FAF1: variants seen among roughly 807,000 people sequenced by gnomAD.
FAF1 encodes the protein Fas associated factor 1.
Under a neutral mutation model 92.5 loss-of-function variants are expected in FAF1, and 25 were observed. The observed-to-expected ratio is 0.27, with a 90% confidence interval of 0.20 to 0.38. The LOEUF is 0.38. FAF1 is among the 10% of genes least tolerant of loss of function. The pLI, the probability that FAF1 is intolerant of heterozygous loss-of-function variation, is 1.00. For missense variants in FAF1, 636 were observed against 793.3 expected (o/e 0.80, Z 2.38); for synonymous variants, 234 against 273.2 (o/e 0.86, Z 1.42).
chr1:50,568,341 G>C (rs1347236538), intron 12 of FAF1, among the ~76,000 whole-genome samples: 1 of 152,064 alleles, frequency 6.6e-6, no homozygotes, highest in African/African-American at 2.4e-5. Flanking sequence ...TTTGCTGTGT[G>C]GGATTCTGAA....
chr1:50,491,708 T>C lies in FAF1; in HGVS notation c.1575+13A>G. 4 of 1,594,374 alleles carry C rather than the reference T, an allele frequency of 2.5e-6. No homozygotes were observed. The highest frequency in any genetic ancestry group is 3.4e-6 in the Non-Finnish European group (4 of 1,168,850). ...TTGAGTTCTTTATCCCAGAAGTACT[T>C]GACCAAGCCTACCTTTGCTCTGTCA... On this transcript the variant is annotated intron_variant, in intron 16 of 18. Coordinates refer to ENST00000396153, the MANE Select transcript of FAF1 (RefSeq NM_007051.3).
Position 50,583,539 on chromosome 1 carries a change from C to T in FAF1, c.1031+113G>A, listed in dbSNP as rs879808166. On this transcript the variant is annotated intron_variant, in intron 11 of 18. Coordinates refer to ENST00000396153, the MANE Select transcript of FAF1 (RefSeq NM_007051.3). The surrounding 1 kb of genome is among the most constrained non-coding windows in gnomAD (Gnocchi z 4.2). ...GGACTATATAAATTAACAAGTATATCCTTTGAATACTTTAAGGAGAAACTT... is the reference window on the plus strand; with the variant it reads ...GGACTATATAAATTAACAAGTATATTCTTTGAATACTTTAAGGAGAAACTT... 7.9e-5 allele frequency: 46 copies of T among 582,428 alleles called. No individual in the cohort carries two copies. The highest frequency in any genetic ancestry group is 1.3e-4 in the Non-Finnish European group (44 of 345,130). The allele number at this position is 582,428 out of a possible 1,614,324, so 36.1% of individuals were successfully genotyped here.
At chr1:50,754,888 C>A (rs1335599206) in intron 4 of FAF1, among the ~76,000 whole-genome samples, 2 of 151,598 alleles carry the variant, frequency 1.3e-5, no homozygotes, top group Non-Finnish European at 2.9e-5. Flanking sequence ...CCTTACAAAA[C>A]CATCAGATCT....
At chr1:50,585,135 G>A (rs1312384097) in intron 9 of FAF1, among the ~76,000 whole-genome samples, 1 of 152,166 alleles carries the variant, frequency 6.6e-6, no homozygotes, top group Non-Finnish European at 1.5e-5. Flanking sequence ...TACAACTGGA[G>A]AAGTCAGAGA....
intron 2 of FAF1, among the ~76,000 whole-genome samples, chr1:50,830,930 T>C (rs1461921953): frequency 6.6e-6 from 1 of 152,126 alleles, no homozygotes; most frequent in Non-Finnish European, 1.5e-5. Flanking sequence ...AACATTTTTG[T>C]AAAAGAGTAT....
At chr1:50,738,088 A>C (rs1659213376) in intron 6 of FAF1, among the ~76,000 whole-genome samples, 1 of 152,216 alleles carries the variant, frequency 6.6e-6, no homozygotes, top group African/African-American at 2.4e-5. Context: ...AAATGTATTG[A>C]GTTCCACTGT....
chr1:50,724,140 G>A (rs1240360865), intron 6 of FAF1, among the ~76,000 whole-genome samples: 1 of 151,518 alleles, frequency 6.6e-6, no homozygotes. Context: ...GGCTAAGGCA[G>A]GAGGACGACT....
rs1660285443 is a variant in FAF1, at chr1:50,760,595, C to T, written c.368-15820G>A. On this transcript the variant is annotated intron_variant, in intron 4 of 18. Transcript: ENST00000396153. ...CCTGCTCCTGAATGACTACTGGGTACCTAACGAAATGAAGGCAGAAATAAA... is the reference window on the plus strand; with the variant it reads ...CCTGCTCCTGAATGACTACTGGGTATCTAACGAAATGAAGGCAGAAATAAA... Among the ~76,000 whole-genome samples, 3 of 152,114 alleles carry T rather than the reference C, an allele frequency of 2.0e-5. No homozygotes were observed. In the South Asian group the frequency reaches 6.2e-4, roughly 32 times the overall value.
chr1:50,451,047 A>G (rs546552618), intron 18 of FAF1, among the ~76,000 whole-genome samples: 1 of 152,322 alleles, frequency 6.6e-6, no homozygotes, highest in South Asian at 2.1e-4. Context: ...TCCAGGAAAC[A>G]GTGACAGATG....
At chr1:50,450,516 T>C (rs1646282585) in intron 18 of FAF1, among the ~76,000 whole-genome samples, 1 of 152,230 alleles carries the variant, frequency 6.6e-6, no homozygotes, top group Admixed American at 6.5e-5. Context: ...GGCTTTCTGT[T>C]GGGCATAAAA....
At chr1:50,494,040 GCT>G (rs1646871439) in intron 15 of FAF1, among the ~76,000 whole-genome samples, 1 of 152,204 alleles carries the variant, frequency 6.6e-6, no homozygotes, top group Non-Finnish European at 1.5e-5. Flanking sequence ...CTTACTCACA[GCT>G]CTCTCTGACC....
At chr1:50,770,652 A>T (rs953820945) in intron 4 of FAF1, among the ~76,000 whole-genome samples, 2 of 152,268 alleles carry the variant, frequency 1.3e-5, no homozygotes, top group Non-Finnish European at 2.9e-5. Context: ...AGGAAGCATG[A>T]ATATTATGAA....
At chr1:50,770,214 A>G (rs898861619) in intron 4 of FAF1, among the ~76,000 whole-genome samples, 6 of 152,216 alleles carry the variant, frequency 3.9e-5, no homozygotes, top group African/African-American at 1.4e-4. Context: ...GCCCTCTCTC[A>G]CCACTCTATT....
chr1:50,944,066 A>G (rs1265315533), intron 1 of FAF1, among the ~76,000 whole-genome samples: 2 of 152,216 alleles, frequency 1.3e-5, no homozygotes, highest in African/African-American at 2.4e-5. Context: ...CCAGGCCATA[A>G]GCCAGGTGGC....
intron 1 of FAF1, among the ~76,000 whole-genome samples, chr1:50,920,613 T>A (rs914132487): frequency 6.6e-6 from 1 of 152,198 alleles, no homozygotes; most frequent in African/African-American, 2.4e-5. Flanking sequence ...CAATGCAAGG[T>A]TGGTTTAACA....
At chr1:50,612,115 C>T (rs1323563785) in intron 8 of FAF1, among the ~76,000 whole-genome samples, 2 of 152,088 alleles carry the variant, frequency 1.3e-5, no homozygotes, top group Admixed American at 1.3e-4. Flanking sequence ...AGGAAAAGTG[C>T]ATTATTAGAA....
rs1028391661 is a variant in FAF1 at position 50,924,478 on chromosome 1, C to A, written c.45+35289G>T. On this transcript the variant is annotated intron_variant, in intron 1 of 18. Coordinates refer to ENST00000396153, the MANE Select transcript of FAF1 (RefSeq NM_007051.3). ...GAAGAATTAATATTGTTAAAATGAC[C>A]ATACTACCCAAAGCAATCTACAGGT... Among the ~76,000 whole-genome samples the A allele has an allele frequency of 6.6e-5, 10 of 152,178 alleles. No homozygotes were observed. The East Asian group carries it at 1.9e-3, about 29-fold the overall frequency.
At chr1:50,630,558 T>C (rs1653723792) in intron 8 of FAF1, among the ~76,000 whole-genome samples, 1 of 152,172 alleles carries the variant, frequency 6.6e-6, no homozygotes, top group Non-Finnish European at 1.5e-5. Context: ...GTTGCATAAT[T>C]TTGTTTGCTT....
intron 13 of FAF1, among the ~76,000 whole-genome samples, chr1:50,552,429 T>C (rs995368615): frequency 2.6e-5 from 4 of 152,160 alleles, no homozygotes; most frequent in Admixed American, 1.3e-4. Context: ...ATATTCTTAA[T>C]CATCATGATG....
Sources: gnomAD v4.1 joint callset for allele counts (sites outside exome capture counted in the v4.1 genomes callset) on GRCh38, gnomAD v4.1.1 for gene constraint, Gnocchi (gnomAD v3.1) non-coding constraint, MANE v1.5 for transcripts, NCBI Gene and HGNC (gene_info 2026-07-23, HGNC 2026-07-21) for gene names.